The following RUNX1 variants were observed in gnomAD, a reference collection of about 807,000 sequenced individuals.
RUNX1 encodes the protein runt-related transcription factor 1.
A neutral mutation model predicts 42.8 loss-of-function variants in RUNX1; 19 were observed. That is an observed-to-expected ratio of 0.44 (90% confidence interval 0.31 to 0.65). The LOEUF is 0.65. Ranked by LOEUF, RUNX1 falls within the 30% of genes least tolerant of loss-of-function variation. RUNX1 has a pLI of 0.07. For synonymous variants in RUNX1, 271 were observed against 289.4 expected (o/e 0.94, Z 0.64); for missense variants, 528 against 672.0 (o/e 0.79, Z 2.37).
intron 8 of RUNX1, chr21:34,797,985 G>A: frequency 4.4e-6 from 2 of 455,914 alleles, no homozygotes; most frequent in Non-Finnish European, 8.8e-6. Flanking sequence ...AGAATTATTT[G>A]GCCCCAAATG....
chr21:34,964,068 C>A (rs367576267), intron 2 of RUNX1, among the ~76,000 whole-genome samples: 3 of 152,250 alleles, frequency 2.0e-5, no homozygotes, highest in South Asian at 2.1e-4. Context: ...TCAGCCACTG[C>A]GATAAGGGTC....
At chr21:34,909,233 G>C (rs543946448) in intron 2 of RUNX1, among the ~76,000 whole-genome samples, 4 of 152,044 alleles carry the variant, frequency 2.6e-5, no homozygotes, top group African/African-American at 9.7e-5. Context: ...CAGTACACCC[G>C]ACCCTAAGAT....
chr21:34,845,558 T>A (rs2057303084), intron 6 of RUNX1, among the ~76,000 whole-genome samples: 1 of 152,180 alleles, frequency 6.6e-6, no homozygotes, highest in Non-Finnish European at 1.5e-5. Context: ...TTTCCTCTCC[T>A]TTTAACTCCT....
At chr21:35,027,358 G>C (rs2146962737) in intron 2 of RUNX1, among the ~76,000 whole-genome samples, 1 of 152,304 alleles carries the variant, frequency 6.6e-6, no homozygotes, top group African/African-American at 2.4e-5. Flanking sequence ...CAGCAGGTCT[G>C]GGCTGAGGCC....
At chr21:34,826,825 G>A (rs779771648) in intron 7 of RUNX1, among the ~76,000 whole-genome samples, 1 of 152,200 alleles carries the variant, frequency 6.6e-6, no homozygotes, top group Non-Finnish European at 1.5e-5. Flanking sequence ...TTGGTACCAA[G>A]ATGTGGGGTT....
rs569594118 is a variant in RUNX1, at chr21:34,791,457, A to C, written c.*678T>G. The C allele has an allele frequency of 7.3e-5, 17 of 232,682 alleles. No homozygotes were observed. Among genetic ancestry groups the C allele is most frequent in the African/African-American group, 1.3e-4 (6 of 45,282 alleles). 14.4% of individuals were successfully genotyped at this position (232,682 alleles called of 1,614,324 possible). ...CTCAAAAAAACAAAACAAAACAAAAAAAAACAACTACCCAAAAGTCCAAAA... is the reference window on the plus strand; with the variant it reads ...CTCAAAAAAACAAAACAAAACAAAACAAAACAACTACCCAAAAGTCCAAAA... On this transcript the variant is annotated 3_prime_UTR_variant, in exon 9 of 9. Transcript: ENST00000675419.
chr21:34,892,874 T>C (rs1409658437), intron 3 of RUNX1, 51 bp downstream of exon 3: 2 of 1,013,126 alleles, frequency 2.0e-6, no homozygotes, highest in Non-Finnish European at 3.1e-6. Context: ...CATATACACA[T>C]CTATGAAGGT....
chr21:34,889,643 C>T (rs1355090392), intron 3 of RUNX1: 4 of 1,108,318 alleles, frequency 3.6e-6, no homozygotes, highest in Non-Finnish European at 4.4e-6. Context: ...TCCCCGCCCC[C>T]GTGCGCTCGA....
chr21:34,872,821 A>G (rs2057759393), intron 5 of RUNX1, among the ~76,000 whole-genome samples: 1 of 152,048 alleles, frequency 6.6e-6, no homozygotes, highest in Non-Finnish European at 1.5e-5. Context: ...GCACTCCCCA[A>G]CCCAATACAC....
rs141841129 is a variant in RUNX1, at chr21:34,974,331, C to A, written c.58+74511G>T. 1.0e-3 allele frequency among the ~76,000 whole-genome samples: 155 copies of A among 151,928 alleles called. 3 individuals carry two copies. In the East Asian group the frequency reaches 0.024, roughly 24 times the overall value. ...TATTAGCTGAAGACTTGCCTGTCCT[C>A]TGCCAGGGAACTCTACGGAAACGAG... On this transcript the variant is annotated intron_variant, in intron 2 of 8. Coordinates refer to ENST00000675419, the MANE Select transcript of RUNX1 (RefSeq NM_001754.5).
At chr21:35,046,452 G>A (rs1037066500) in intron 2 of RUNX1, among the ~76,000 whole-genome samples, 17 of 152,194 alleles carry the variant, frequency 1.1e-4, no homozygotes, top group African/African-American at 3.9e-4. Context: ...CACAGTTGCC[G>A]TTGGGGAGGG....
intron 5 of RUNX1, among the ~76,000 whole-genome samples, chr21:34,874,984 G>A (rs1307858656): frequency 3.9e-5 from 6 of 152,184 alleles, no homozygotes; most frequent in Admixed American, 3.3e-4. Flanking sequence ...GCAAGGAAGG[G>A]GTTGAGGGTG....
intron 2 of RUNX1, among the ~76,000 whole-genome samples, chr21:34,942,697 CT>C (rs1271892366): frequency 6.6e-6 from 1 of 152,152 alleles, no homozygotes; most frequent in Non-Finnish European, 1.5e-5. Flanking sequence ...CTAATGTACC[CT>C]TTCCATGGTT....
intron 2 of RUNX1, among the ~76,000 whole-genome samples, chr21:35,034,528 G>A (rs2059293592): frequency 6.6e-6 from 1 of 152,202 alleles, no homozygotes; most frequent in Admixed American, 6.5e-5. Flanking sequence ...TGGAGCTGTG[G>A]TTCTCCAAAA....
rs1601529974 is a variant in RUNX1, at chr21:34,887,183, A to G, written c.98-87T>C. ...GACGGCGACAGGGGCGCGGATCTTC[A>G]GCAAGCAGCTCCCGGGAGACCAACA... is the stretch of plus-strand genomic sequence containing the variant. On this transcript the variant is annotated intron_variant, in intron 3 of 8. Transcript: ENST00000675419. The G allele has an allele frequency of 8.2e-6, 11 of 1,341,902 alleles. No homozygotes were observed. In the East Asian group the frequency reaches 5.0e-4, roughly 61 times the overall value. 83.1% of individuals were successfully genotyped at this position (1,341,902 alleles called of 1,614,324 possible).
chr21:34,825,894 C>G (rs1216737070), intron 7 of RUNX1, among the ~76,000 whole-genome samples: 1 of 152,182 alleles, frequency 6.6e-6, no homozygotes, highest in African/African-American at 2.4e-5. Context: ...TGGAATGATA[C>G]AGTCTGATAC....
chr21:34,880,450 G>T, intron 5 of RUNX1, 107 bp downstream of exon 5: 1 of 1,057,106 alleles, frequency 9.5e-7, no homozygotes, highest in Non-Finnish European at 1.5e-6. Context: ...AGAATGTTAA[G>T]ACAGACCGAG....
rs398036394 is a variant in RUNX1 at position 34,967,319 on chromosome 21, CAAAAAAAAAAAAAAAA to C, written c.59-74372_59-74357del. 1.4e-3 allele frequency among the ~76,000 whole-genome samples: 22 copies of C among 15,628 alleles called. No individual in the cohort carries two copies. The South Asian group carries it at 0.017, about 12-fold the overall frequency. The allele number at this position is 15,628 out of a possible 152,430, so 10.3% of individuals were successfully genotyped here. A position where few individuals can be genotyped will look rare whatever the true frequency, so the allele number is the denominator to read the frequency against. On this transcript the variant is annotated intron_variant, in intron 2 of 8. Transcript: ENST00000675419. ...CAGGCGACAGTGTGAGACTCGGTCT[CAAAAAAAAAAAAAAAA>C]AAAAAAAAAAAAAAAAAGAAGAATA...
rs2056408382 is a variant in RUNX1 at position 34,789,404 on chromosome 21, T to C, written c.*2731A>G. On this transcript the variant is annotated 3_prime_UTR_variant, in exon 9 of 9. Coordinates refer to ENST00000675419, the MANE Select transcript of RUNX1 (RefSeq NM_001754.5). ...GAAAGAACTGAAATATGTATCCATG[T>C]TGAAATCATAAATAGGGACATGAGT... The C allele has an allele frequency of 4.3e-6, 1 of 233,734 alleles. No individual in the cohort carries two copies. Among genetic ancestry groups the C allele is most frequent in the Non-Finnish European group, 8.5e-6 (1 of 118,076 alleles). 14.5% of individuals were successfully genotyped at this position (233,734 alleles called of 1,614,324 possible).
Sources: gnomAD v4.1 joint callset for allele counts (sites outside exome capture counted in the v4.1 genomes callset) on GRCh38, gnomAD v4.1.1 for gene constraint, MANE v1.5 for transcripts, NCBI Gene and HGNC (gene_info 2026-07-23, HGNC 2026-07-21) for gene names.